The following CCDC148 variants were observed in gnomAD, a reference collection of about 807,000 sequenced individuals.
The protein encoded by CCDC148 is coiled-coil domain-containing protein 148.
CCDC148 carries 89 observed loss-of-function variants against 85.7 expected under a neutral mutation model. The observed-to-expected ratio is 1.04, with a 90% confidence interval of 0.87 to 1.24. The LOEUF is 1.24. Among genes scored for constraint, CCDC148 ranks in the 50% most tolerant of loss-of-function variants. The pLI is 0.00. For synonymous variants in CCDC148, 230 were observed against 213.9 expected (o/e 1.08, Z -0.66); for missense variants, 692 against 671.7 (o/e 1.03, Z -0.33).
chr2:158,295,052 T>A (rs1227477859), intron 9 of CCDC148, among the ~76,000 whole-genome samples: 1 of 152,162 alleles, frequency 6.6e-6, no homozygotes, highest in African/African-American at 2.4e-5. Context: ...TTGCCATATA[T>A]CTTCCTTGGT....
At chr2:158,245,261 A>G (rs1688522892) in intron 10 of CCDC148, among the ~76,000 whole-genome samples, 1 of 152,146 alleles carries the variant, frequency 6.6e-6, no homozygotes, top group Non-Finnish European at 1.5e-5. Context: ...GTATTATGAG[A>G]TCCCCTGAGG....
intron 10 of CCDC148, among the ~76,000 whole-genome samples, chr2:158,221,167 T>C (rs1289096095): frequency 6.6e-6 from 1 of 152,330 alleles, no homozygotes; most frequent in African/African-American, 2.4e-5. Flanking sequence ...CAGCAGGATG[T>C]TGAAAGCTTT....
intron 1 of CCDC148, among the ~76,000 whole-genome samples, chr2:158,434,594 A>G (rs1329579418): frequency 1.3e-5 from 2 of 152,238 alleles, no homozygotes; most frequent in African/African-American, 4.8e-5. Context: ...GCTCCTCACC[A>G]GCAACAGAAC....
chr2:158,208,949 A>AT (rs71404339), intron 11 of CCDC148, among the ~76,000 whole-genome samples: 1 of 150,704 alleles, frequency 6.6e-6, no homozygotes, highest in Non-Finnish European at 1.5e-5. Context: ...ATTAGAATAT[A>AT]TTTTTTAAAA....
At chr2:158,294,869 C>T (rs1691100365) in intron 9 of CCDC148, among the ~76,000 whole-genome samples, 1 of 150,650 alleles carries the variant, frequency 6.6e-6, no homozygotes, top group Admixed American at 6.6e-5. Context: ...CACAAAGTGA[C>T]CATGTTACTT....
In CCDC148 at chr2:158,176,519, A is replaced by T. The variant is rs748871053; in HGVS notation, c.1629+2T>A. 3.6e-5 allele frequency: 58 copies of T among 1,610,024 alleles called. No individual in the cohort carries two copies. Among genetic ancestry groups the T allele is most frequent in the African/African-American group, 1.3e-5 (1 of 74,818 alleles). On this transcript the variant is annotated splice_donor_variant, in intron 13 of 13. Coordinates refer to ENST00000283233, the MANE Select transcript of CCDC148 (RefSeq NM_138803.4). LOFTEE classifies it high-confidence loss of function. ...ATCAGTCATGCTAATTTCCATAATT[A>T]CCTGCTGTTCATTGTATGTATTCAA...
intron 9 of CCDC148, among the ~76,000 whole-genome samples, chr2:158,297,779 C>T (rs764073264): frequency 1.4e-4 from 22 of 152,200 alleles, no homozygotes; most frequent in Admixed American, 3.9e-4. Context: ...GCCACACTGC[C>T]TCTGGCACAA....
At position 158,344,753 on chromosome 2, in the gene CCDC148, T is replaced by C. The variant is rs562673141; in HGVS notation, c.251+462A>G. 3.3e-5 allele frequency among the ~76,000 whole-genome samples: 5 copies of C among 152,252 alleles called. No homozygotes were observed. In the South Asian group the frequency reaches 1.0e-3, roughly 32 times the overall value. On this transcript the variant is annotated intron_variant, in intron 3 of 13. Transcript: ENST00000283233. Reference sequence around the variant, plus strand: ...GATGCACTTACACCCAGAAATCATTTGCAACTTGAACTCCTTGTTCATTAG... The same window carrying C: ...GATGCACTTACACCCAGAAATCATTCGCAACTTGAACTCCTTGTTCATTAG...
intron 1 of CCDC148, among the ~76,000 whole-genome samples, chr2:158,389,312 C>T (rs936323588): frequency 6.6e-6 from 1 of 151,984 alleles, no homozygotes; most frequent in Non-Finnish European, 1.5e-5. Flanking sequence ...TGGTTTTAAC[C>T]AGGACTCCTT....
At chr2:158,330,538 G>A (rs1248019819) in intron 7 of CCDC148, among the ~76,000 whole-genome samples, 1 of 152,154 alleles carries the variant, frequency 6.6e-6, no homozygotes, top group Non-Finnish European at 1.5e-5. Context: ...GAGTTAGGGA[G>A]GATTCCCTCT....
intron 5 of CCDC148, 138 bp from the exon 6 acceptor site, chr2:158,339,223 C>T: frequency 1.5e-6 from 1 of 670,230 alleles, no homozygotes; most frequent in Non-Finnish European, 2.6e-6. Context: ...AAAGAGATGC[C>T]AGCCAGGTAG....
intron 1 of CCDC148, among the ~76,000 whole-genome samples, chr2:158,361,522 A>G (rs1188587259): frequency 6.6e-6 from 1 of 152,210 alleles, no homozygotes; most frequent in Non-Finnish European, 1.5e-5. Flanking sequence ...CCAATATTCA[A>G]CATTCTTAAA....
intron 1 of CCDC148, among the ~76,000 whole-genome samples, chr2:158,442,520 T>C (rs1347516426): frequency 6.6e-6 from 1 of 152,192 alleles, no homozygotes; most frequent in Non-Finnish European, 1.5e-5. Flanking sequence ...TCAAATTAAA[T>C]GAAAGGAACA....
At chr2:158,352,430 C>A in intron 2 of CCDC148, among the ~76,000 whole-genome samples, 1 of 152,094 alleles carries the variant, frequency 6.6e-6, no homozygotes. Context: ...GTGAAGAATG[C>A]AGAAGCCTCA....
intron 1 of CCDC148, among the ~76,000 whole-genome samples, chr2:158,395,465 C>A (rs1024213415): frequency 2.0e-5 from 3 of 152,096 alleles, no homozygotes; most frequent in African/African-American, 7.2e-5. Flanking sequence ...CAGGCACCTA[C>A]ACAGGAGTAT....
chr2:158,290,142 G>C (rs1390750629), intron 9 of CCDC148, among the ~76,000 whole-genome samples: 3 of 152,186 alleles, frequency 2.0e-5, no homozygotes, highest in Non-Finnish European at 2.9e-5. Context: ...AGGTTGAGGT[G>C]AGGCACACAG....
intron 7 of CCDC148, among the ~76,000 whole-genome samples, chr2:158,334,524 T>C (rs1179192210): frequency 6.6e-6 from 1 of 152,108 alleles, no homozygotes; most frequent in Admixed American, 6.6e-5. Context: ...TTCAAGATTA[T>C]TTATTTTTAT....
At chr2:158,424,572 T>G (rs1686979722) in intron 1 of CCDC148, among the ~76,000 whole-genome samples, 1 of 148,958 alleles carries the variant, frequency 6.7e-6, no homozygotes. Flanking sequence ...TGTCATGGGG[T>G]GGGGGGAGTG....
Position 158,233,944 on chromosome 2 carries a change from G to A in CCDC148, c.1252-13231C>T, listed in dbSNP as rs368711712. The stretch of plus-strand genomic sequence containing the variant: ...TGTAATCTCAGCACTTTGGGAGGCC[G>A]AGGTGGGTGGAGCACGAGGTCAAGA... On this transcript the variant is annotated intron_variant, in intron 10 of 13. Transcript: ENST00000283233. 1.1e-4 allele frequency among the ~76,000 whole-genome samples: 17 copies of A among 152,192 alleles called. No homozygotes were observed. In the South Asian group the frequency reaches 1.7e-3, roughly 15 times the overall value.
Sources: gnomAD v4.1 joint callset for allele counts (sites outside exome capture counted in the v4.1 genomes callset) on GRCh38, gnomAD v4.1.1 for gene constraint, MANE v1.5 for transcripts, NCBI Gene and HGNC (gene_info 2026-07-23, HGNC 2026-07-21) for gene names.